SCMH1: variants seen among roughly 807,000 people sequenced by gnomAD.
SCMH1 encodes Scm polycomb group protein homolog 1, also known as polycomb protein SCMH1.
Under a neutral mutation model 70.8 loss-of-function variants are expected in SCMH1, and 37 were observed. The ratio of observed to expected loss-of-function variants is 0.52; its 90% CI spans 0.40 to 0.69. SCMH1 has a LOEUF of 0.69. SCMH1 is among the 30% of genes least tolerant of loss of function. The pLI is 0.00. For missense variants in SCMH1, 607 were observed against 827.3 expected (o/e 0.73, Z 3.27); for synonymous variants, 292 against 307.4 (o/e 0.95, Z 0.52).
chr1:41,077,493 A>C (rs1658663981), intron 8 of SCMH1, among the ~76,000 whole-genome samples: 1 of 152,214 alleles, frequency 6.6e-6, no homozygotes, highest in Non-Finnish European at 1.5e-5. Context: ...ATAAGGTTCC[A>C]CTAGAAGTAG....
chr1:41,199,950 T>C (rs576951723), intron 1 of SCMH1, among the ~76,000 whole-genome samples: 1 of 152,156 alleles, frequency 6.6e-6, no homozygotes, highest in Non-Finnish European at 1.5e-5. Flanking sequence ...CTAGTATAGT[T>C]TAAAACAAGA....
intron 1 of SCMH1, among the ~76,000 whole-genome samples, chr1:41,192,647 G>C (rs1652005788): frequency 1.3e-5 from 2 of 152,078 alleles, no homozygotes; most frequent in African/African-American, 4.8e-5. Flanking sequence ...TGCAGGCCCG[G>C]AGTGTTTACT....
At chr1:41,196,494 C>A (rs1056251574) in intron 1 of SCMH1, among the ~76,000 whole-genome samples, 1 of 152,056 alleles carries the variant, frequency 6.6e-6, no homozygotes, top group African/African-American at 2.4e-5. Flanking sequence ...TATCCAGATG[C>A]AGGAGAATGA....
chr1:41,073,233 G>A (rs1161149825), intron 9 of SCMH1, among the ~76,000 whole-genome samples: 2 of 152,118 alleles, frequency 1.3e-5, no homozygotes, highest in African/African-American at 4.8e-5. Flanking sequence ...AGTTATAGGG[G>A]CTCATTACTT....
At chr1:41,233,905 A>G (rs535324395) in intron 1 of SCMH1, among the ~76,000 whole-genome samples, 1 of 152,300 alleles carries the variant, frequency 6.6e-6, no homozygotes, top group Non-Finnish European at 1.5e-5. Context: ...AGGCTCTACC[A>G]CTTGCTATCC....
At chr1:41,189,854 T>C (rs1651240083) in intron 1 of SCMH1, among the ~76,000 whole-genome samples, 1 of 152,236 alleles carries the variant, frequency 6.6e-6, no homozygotes, top group Admixed American at 6.5e-5. Context: ...TAACTATGTA[T>C]AATGTTTACC....
chr1:41,034,718 A>G (rs1571211867), intron 13 of SCMH1, among the ~76,000 whole-genome samples: 1 of 152,016 alleles, frequency 6.6e-6, no homozygotes, highest in African/African-American at 2.4e-5. Context: ...AGGAGGCTGG[A>G]ATCAGGGTGT....
chr1:41,205,575 A>G (rs1016836096), intron 1 of SCMH1, among the ~76,000 whole-genome samples: 3 of 152,344 alleles, frequency 2.0e-5, no homozygotes, highest in African/African-American at 7.2e-5. Context: ...GTAGGTAAAC[A>G]AAGTGGCCAG....
chr1:41,152,890 A>C (rs1229729571), intron 4 of SCMH1: 2 of 720,966 alleles, frequency 2.8e-6, no homozygotes, highest in Non-Finnish European at 4.3e-6. Flanking sequence ...ATTTGGCCAG[A>C]AATCACAGTC....
chr1:41,179,451 CA>C (rs1648031688), intron 2 of SCMH1, among the ~76,000 whole-genome samples: 1 of 151,996 alleles, frequency 6.6e-6, no homozygotes, highest in African/African-American at 2.4e-5. Context: ...AAAAGATCAA[CA>C]AAATTGACAG....
chr1:41,174,326 A>G (rs1442065175), intron 2 of SCMH1, among the ~76,000 whole-genome samples: 1 of 151,254 alleles, frequency 6.6e-6, no homozygotes, highest in Non-Finnish European at 1.5e-5. Flanking sequence ...CCTCTGAGTC[A>G]ACAGGTAAAG....
intron 8 of SCMH1, among the ~76,000 whole-genome samples, chr1:41,099,432 A>G (rs1318647028): frequency 6.6e-6 from 1 of 152,214 alleles, no homozygotes; most frequent in Non-Finnish European, 1.5e-5. Context: ...CTTACACTTC[A>G]TAATTCTCAA....
intron 6 of SCMH1, among the ~76,000 whole-genome samples, chr1:41,138,933 C>T (rs1292466757): frequency 3.3e-5 from 5 of 152,076 alleles, no homozygotes; most frequent in African/African-American, 1.2e-4. Context: ...AGCAAAAAAA[C>T]AAAAGGTTCT....
intron 2 of SCMH1, 145 bp downstream of exon 2, chr1:41,185,976 T>C (rs1650095236): frequency 1.3e-6 from 1 of 777,676 alleles, no homozygotes; most frequent in African/African-American, 1.8e-5. Flanking sequence ...ATCTGGAAAA[T>C]TCATGCCAAT....
intron 10 of SCMH1, among the ~76,000 whole-genome samples, chr1:41,069,888 T>A (rs948160379): frequency 6.6e-6 from 1 of 152,212 alleles, no homozygotes; most frequent in Non-Finnish European, 1.5e-5. Context: ...AATCAACTCC[T>A]TCTAAGAGAA....
intron 11 of SCMH1, among the ~76,000 whole-genome samples, 177 bp downstream of exon 11, chr1:41,048,513 G>A (rs1647113892): frequency 6.6e-6 from 1 of 152,152 alleles, no homozygotes; most frequent in Non-Finnish European, 1.5e-5. Flanking sequence ...CCTTGGCAGA[G>A]GTATGCATAA....
At chr1:41,080,062 TACATTTTA>T (rs1273837228) in intron 8 of SCMH1, among the ~76,000 whole-genome samples, 1 of 152,150 alleles carries the variant, frequency 6.6e-6, no homozygotes, top group African/African-American at 2.4e-5. Context: ...TCATCTTTTT[TACATTTTA>T]ACATTTTAAT....
At chr1:41,237,686 T>A (rs1046430420) in intron 1 of SCMH1, among the ~76,000 whole-genome samples, 1 of 152,204 alleles carries the variant, frequency 6.6e-6, no homozygotes, top group Non-Finnish European at 1.5e-5. Context: ...TTTCCCTATT[T>A]TATATATCTA....
intron 8 of SCMH1, among the ~76,000 whole-genome samples, chr1:41,097,341 C>T (rs1034281128): frequency 6.6e-6 from 1 of 152,204 alleles, no homozygotes; most frequent in Non-Finnish European, 1.5e-5. Context: ...ATCAAGTCCA[C>T]GGTTTCCCTA....
Sources: allele counts gnomAD v4.1 joint callset (sites outside exome capture counted in the v4.1 genomes callset), GRCh38; gene constraint gnomAD v4.1.1; transcripts MANE v1.5; gene names NCBI Gene and HGNC (gene_info 2026-07-23, HGNC 2026-07-21).